GNE: variants seen among roughly 807,000 people sequenced by gnomAD.
GNE encodes the protein bifunctional UDP-N-acetylglucosamine 2-epimerase/N-acetylmannosamine kinase.
Under a neutral mutation model 61.8 loss-of-function variants are expected in GNE, and 41 were observed. That is an observed-to-expected ratio of 0.66 (90% CI 0.52 to 0.86). The LOEUF is 0.86. Ranked by LOEUF, GNE falls within the 40% of genes least tolerant of loss-of-function variation. The pLI is 0.00. For synonymous variants in GNE, 264 were observed against 326.4 expected (o/e 0.81, Z 2.06); for missense variants, 608 against 909.1 (o/e 0.67, Z 4.26).
chr9:36,255,606 T>C (rs1411507701), intron 1 of GNE, among the ~76,000 whole-genome samples: 1 of 152,160 alleles, frequency 6.6e-6, no homozygotes, highest in Non-Finnish European at 1.5e-5. Context: ...CACTCCAGCC[T>C]GGGTGACAGA....
chr9:36,263,310 A>G, upstream of GNE: 2 of 230,046 alleles, frequency 8.7e-6, no homozygotes, highest in Non-Finnish European at 1.9e-5. Flanking sequence ...AGCTGGGATT[A>G]CAGACATGTG....
intron 4 of GNE, among the ~76,000 whole-genome samples, chr9:36,236,251 T>C (rs1301283515): frequency 1.3e-5 from 2 of 152,056 alleles, no homozygotes; most frequent in African/African-American, 4.8e-5. Flanking sequence ...CTGAGACTAG[T>C]GTGCAGTGGC....
chr9:36,258,171 G>T, intron 1 of GNE, 150 bp downstream of exon 1: 1 of 260,364 alleles, frequency 3.8e-6, no homozygotes, highest in Non-Finnish European at 6.0e-6. Flanking sequence ...GCAGGACATT[G>T]GGCGAGAGCC....
At chr9:36,225,847 A>G (rs1023868750) in intron 7 of GNE, among the ~76,000 whole-genome samples, 1 of 152,240 alleles carries the variant, frequency 6.6e-6, no homozygotes, top group African/African-American at 2.4e-5. Context: ...GCTGTGCATC[A>G]GAATCACCTG....
At chr9:36,256,749 A>G (rs2077615763) in intron 1 of GNE, among the ~76,000 whole-genome samples, 1 of 152,228 alleles carries the variant, frequency 6.6e-6, no homozygotes, top group East Asian at 1.9e-4. Context: ...AACAGAGGAA[A>G]CAACAGTAAA....
rs1473072355 is a variant in GNE at position 36,222,976 on chromosome 9, T to C, written c.1434A>G (p.Val478=). The change falls in exon 9 of 12, where the codon GTA becomes GTG. Residue 478 remains valine (V), a synonymous_variant. Transcript: ENST00000642385. ...LGVGISTGGR[V]NPREGIVLHS... ...GCAGCACAATTCCTTCCCGAGGATT[T>C]ACACGGCCACCTGTGGAAATGCCTG... 3.1e-6 allele frequency: 5 copies of C among 1,613,882 alleles called. No individual in the cohort carries two copies. The African/African-American group carries it at 6.7e-5, about 22-fold the overall frequency.
intron 3 of GNE, among the ~76,000 whole-genome samples, chr9:36,241,003 T>A (rs555323883): frequency 6.6e-6 from 1 of 152,340 alleles, no homozygotes; most frequent in South Asian, 2.1e-4. Flanking sequence ...TAATATCTCC[T>A]GTTTCATTTC....
intron 7 of GNE, among the ~76,000 whole-genome samples, chr9:36,225,950 TTAA>T (rs1312003982): frequency 1.3e-5 from 2 of 152,156 alleles, no homozygotes; most frequent in Non-Finnish European, 2.9e-5. Flanking sequence ...TTTTTGTCTA[TTAA>T]TAATGTTTTT....
chr9:36,257,801 TCAAAAAAAAAAAAAAAAA>T (rs1563955444), intron 1 of GNE, among the ~76,000 whole-genome samples: 1 of 5,362 alleles, frequency 1.9e-4, no homozygotes, highest in African/African-American at 7.1e-4. Context: ...AGACTCAGTC[TCAAAAAAAAAAAAAAAAA>T]AAAAAAAAAA....
chr9:36,238,518 CAT>C (rs1211349295), intron 3 of GNE, among the ~76,000 whole-genome samples: 8 of 152,148 alleles, frequency 5.3e-5, no homozygotes, highest in Admixed American at 2.6e-4. Flanking sequence ...AGCATTTTTT[CAT>C]ATGTTTGTTG....
At chr9:36,263,176 CT>C (rs11380173), upstream of GNE, 243 of 145,366 alleles carry the variant, frequency 1.7e-3, no homozygotes, top group South Asian at 3.0e-3. Context: ...TCAGCCATCA[CT>C]TTTTTTTTTT....
rs911869307 is a variant in GNE at position 36,216,079 on chromosome 9, C to T, written c.*1286G>A. On this transcript the variant is annotated 3_prime_UTR_variant, in exon 12 of 12. Transcript: ENST00000642385. Reference sequence around the variant, plus strand: ...GTAAGTTCAGCTAGAGTAATAACATCTTTCAACAAATGGTATCCAGGATTA... The same window carrying T: ...GTAAGTTCAGCTAGAGTAATAACATTTTTCAACAAATGGTATCCAGGATTA... 3.1e-6 allele frequency: 1 copy of T among 321,540 alleles called. No homozygotes were observed. Among genetic ancestry groups the T allele is most frequent in the Non-Finnish European group, 6.3e-6 (1 of 159,490 alleles). The allele number at this position is 321,540 out of a possible 1,614,324, so 19.9% of individuals were successfully genotyped here.
intron 5 of GNE, among the ~76,000 whole-genome samples, 172 bp from the exon 6 acceptor site, chr9:36,229,280 T>C (rs569168525): frequency 3.7e-4 from 56 of 152,368 alleles, no homozygotes; most frequent in Non-Finnish European, 5.7e-4. Flanking sequence ...TAAAGTACTC[T>C]TGGCAAGATT....
At position 36,214,653 on chromosome 9, in the gene GNE, G is replaced by A. The variant is rs180981419; in HGVS notation, c.*2712C>T. The A allele has an allele frequency of 6.6e-6, 1 of 152,282 alleles. No homozygotes were observed. The highest frequency in any genetic ancestry group is 1.5e-5 in the Non-Finnish European group (1 of 68,024). 9.4% of individuals were successfully genotyped at this position (152,282 alleles called of 1,614,324 possible). ...CAAATATTTGGTATGAAACTTGGTA[G>A]CAATGCAATTGTCTGATGTACAGAG... On this transcript the variant is annotated 3_prime_UTR_variant, in exon 12 of 12. Transcript: ENST00000642385.
At chr9:36,255,736 G>A (rs983440244) in intron 1 of GNE, among the ~76,000 whole-genome samples, 3 of 152,166 alleles carry the variant, frequency 2.0e-5, no homozygotes, top group African/African-American at 4.8e-5. Context: ...GTCAGAAGGT[G>A]GGACTGAATA....
Position 36,219,858 on chromosome 9 carries a change from T to A in GNE, c.1796A>T (p.Glu599Val). 6.2e-7 allele frequency: 1 copy of A among 1,614,118 alleles called. No homozygotes were observed. Among genetic ancestry groups the A allele is most frequent in the Non-Finnish European group, 8.5e-7 (1 of 1,179,984 alleles). The change falls in exon 10 of 12, where the codon GAG (glutamate) becomes GTG (valine). Residue 599 changes from glutamate (E) to valine (V), a missense_variant. Glu to Val is a moderately radical substitution (Grantham distance 121, BLOSUM62 -2). Transcript: ENST00000642385. ...CCAACCATCATGGAGCTTTTTTGCC[T>A]CCCTCTGCAAGGCCATTCCAGAGGC... ...AYASGMALQR[E>V]AKKLHDEDLL...
chr9:36,258,274 T>A, intron 1 of GNE, 47 bp downstream of exon 1: 10 of 962,262 alleles, frequency 1.0e-5, no homozygotes, highest in Non-Finnish European at 1.2e-5. Context: ...GCCCTGGGGG[T>A]GGGCAGGATG....
chr9:36,261,037 A>G (rs1830600534), upstream of GNE, among the ~76,000 whole-genome samples: 1 of 151,952 alleles, frequency 6.6e-6, no homozygotes, highest in African/African-American at 2.4e-5. Context: ...CCCCTTCCAG[A>G]TTCTAGAGGC....
At position 36,227,256 on chromosome 9, in the gene GNE, T is replaced by C; in HGVS notation, c.1273A>G (p.Ser425Gly). The C allele has an allele frequency of 6.2e-7, 1 of 1,608,646 alleles. No individual in the cohort carries two copies. ...TTTAGGAGTTATTTTACCTTCATGCTGACTATTGCAACTCGGAGGTTCGTC... is the reference window on the plus strand; with the variant it reads ...TTTAGGAGTTATTTTACCTTCATGCCGACTATTGCAACTCGGAGGTTCGTC... ...GGTNLRVAIV[S>G]MKGEIVKKYT... Residue 425 changes from serine to glycine, a missense_variant, in exon 7 of 12, where the codon AGC becomes GGC. By Grantham distance (56) the Ser-to-Gly change is moderately conservative. Coordinates refer to ENST00000642385, the MANE Select transcript of GNE (RefSeq NM_005476.7).
Sources: allele counts gnomAD v4.1 joint callset (sites outside exome capture counted in the v4.1 genomes callset), GRCh38; gene constraint gnomAD v4.1.1; transcripts MANE v1.5; gene names NCBI Gene and HGNC (gene_info 2026-07-23, HGNC 2026-07-21).